Variants in RBM20 observed in about 807,000 individuals in gnomAD.
RBM20 encodes the protein RNA-binding protein 20.
In RBM20, 51 loss-of-function variants were observed where a neutral mutation model predicts 110.1. The ratio of observed to expected loss-of-function variants is 0.46; its 90% CI spans 0.37 to 0.59. RBM20 has a LOEUF of 0.59. RBM20 is among the 20% of genes least tolerant of loss of function. The pLI is 0.00. For synonymous variants in RBM20, 589 were observed against 618.2 expected (o/e 0.95, Z 0.70); for missense variants, 1,512 against 1,574.9 (o/e 0.96, Z 0.68).
intron 1 of RBM20, among the ~76,000 whole-genome samples, chr10:110,714,749 G>T (rs937944167): frequency 6.6e-6 from 1 of 152,124 alleles, no homozygotes; most frequent in South Asian, 2.1e-4. Context: ...GTTGAGAAGG[G>T]GCAACATGGT....
upstream of RBM20, among the ~76,000 whole-genome samples, chr10:110,643,799 T>G (rs1367192658): frequency 6.6e-6 from 1 of 152,180 alleles, no homozygotes; most frequent in Non-Finnish European, 1.5e-5. Context: ...AGTCCAGGCT[T>G]TCTTCCCCTC....
rs545323379 is a variant in RBM20, at chr10:110,679,303, G to A, written c.191+34658G>A. Among the ~76,000 whole-genome samples, 62 of 151,998 alleles carry A rather than the reference G, an allele frequency of 4.1e-4. 2 individuals carry two copies. The South Asian group carries it at 9.4e-3, about 23-fold the overall frequency. ...CAGTGGTGTGATCATAGCTCACTGC[G>A]GCCTTGAACGCCTCGGCTCAAGTGA... On this transcript the variant is annotated intron_variant, in intron 1 of 13. Coordinates refer to ENST00000369519, the MANE Select transcript of RBM20 (RefSeq NM_001134363.3).
intron 5 of RBM20, among the ~76,000 whole-genome samples, chr10:110,789,542 C>G (rs140578050): frequency 6.6e-6 from 1 of 151,966 alleles, no homozygotes; most frequent in African/African-American, 2.4e-5. Flanking sequence ...ACTGTAATCT[C>G]CACCTCCTGG....
chr10:110,713,290 A>G (rs1246603129), intron 1 of RBM20, among the ~76,000 whole-genome samples: 2 of 152,226 alleles, frequency 1.3e-5, no homozygotes, highest in African/African-American at 4.8e-5. Context: ...AGTCTGCTAC[A>G]CAGAGTAACG....
intron 1 of RBM20, among the ~76,000 whole-genome samples, chr10:110,768,871 T>C (rs7069694): frequency 0.41 from 63,109 of 152,100 alleles, 13,240 homozygotes; most frequent in South Asian, 0.47. Flanking sequence ...AAGGTGCCAA[T>C]AGAGCTAAGA....
intron 7 of RBM20, among the ~76,000 whole-genome samples, chr10:110,808,546 T>C (rs1211394232): frequency 1.3e-5 from 2 of 152,184 alleles, no homozygotes; most frequent in South Asian, 2.1e-4. Context: ...TTTTCTTGAA[T>C]GGGGGATTGG....
chr10:110,822,297 C>G, intron 11 of RBM20: 1 of 422,644 alleles, frequency 2.4e-6, no homozygotes, highest in South Asian at 2.0e-5. Context: ...CAGAGGGCCA[C>G]CCAGGCTGTT....
At chr10:110,750,343 G>A (rs768621901) in intron 1 of RBM20, among the ~76,000 whole-genome samples, 12 of 152,260 alleles carry the variant, frequency 7.9e-5, no homozygotes, top group East Asian at 1.9e-4. Flanking sequence ...AGCAAGCTGC[G>A]TCCATGGGTG....
chr10:110,768,132 A>ACTC (rs2035901388), intron 1 of RBM20, among the ~76,000 whole-genome samples: 3 of 152,226 alleles, frequency 2.0e-5, no homozygotes, highest in Non-Finnish European at 4.4e-5. Flanking sequence ...CGGCAGGCTG[A>ACTC]GGCAGGAGAA....
chr10:110,707,439 G>GT (rs1414814854), intron 1 of RBM20, among the ~76,000 whole-genome samples: 15 of 152,158 alleles, frequency 9.9e-5, no homozygotes, highest in African/African-American at 3.6e-4. Context: ...TTAAAAAAAT[G>GT]TTTTTTCTGG....
chr10:110,697,826 C>T (rs11195267), intron 1 of RBM20, among the ~76,000 whole-genome samples: 1 of 151,974 alleles, frequency 6.6e-6, no homozygotes, highest in South Asian at 2.1e-4. Context: ...ATTTTATCAG[C>T]GTATTCCCCA....
chr10:110,678,594 T>C (rs889960618), intron 1 of RBM20, among the ~76,000 whole-genome samples: 1 of 152,224 alleles, frequency 6.6e-6, no homozygotes, highest in African/African-American at 2.4e-5. Context: ...GTCTGGGGTC[T>C]ACTCTTCATC....
intron 5 of RBM20, among the ~76,000 whole-genome samples, chr10:110,787,844 T>C (rs1379575334): frequency 2.6e-5 from 4 of 151,154 alleles, no homozygotes; most frequent in Non-Finnish European, 5.9e-5. Flanking sequence ...AGCTAACATT[T>C]TGGGAGCTAG....
intron 1 of RBM20, among the ~76,000 whole-genome samples, chr10:110,758,730 T>C (rs1218974740): frequency 6.6e-6 from 1 of 152,190 alleles, no homozygotes; most frequent in Non-Finnish European, 1.5e-5. Context: ...ACTGAGGAGC[T>C]GTGTTTTAAA....
At chr10:110,659,991 A>G (rs1178325304) in intron 1 of RBM20, among the ~76,000 whole-genome samples, 1 of 149,882 alleles carries the variant, frequency 6.7e-6, no homozygotes, top group African/African-American at 2.5e-5. Flanking sequence ...TTTTTTTTGT[A>G]TTTTTTTGTA....
intron 7 of RBM20, among the ~76,000 whole-genome samples, chr10:110,805,500 C>G (rs1844682703): frequency 1.3e-5 from 2 of 152,204 alleles, no homozygotes; most frequent in Admixed American, 6.5e-5. Flanking sequence ...ATGAAACTTT[C>G]CAGCAGCTCC....
chr10:110,755,325 A>T lies in RBM20; in HGVS notation c.192-25476A>T, dbSNP rs574921975. Among the ~76,000 whole-genome samples the T allele has an allele frequency of 3.9e-5, 6 of 152,308 alleles. No individual in the cohort carries two copies. In the South Asian group the frequency reaches 1.2e-3, roughly 32 times the overall value. ...CCTTTGATGTCTGCAAGGCAAAAGCAGCTTTGGCACTCAAATCATCCTCGA... is the reference window on the plus strand; with the variant it reads ...CCTTTGATGTCTGCAAGGCAAAAGCTGCTTTGGCACTCAAATCATCCTCGA... On this transcript the variant is annotated intron_variant, in intron 1 of 13. Coordinates refer to ENST00000369519, the MANE Select transcript of RBM20 (RefSeq NM_001134363.3).
intron 9 of RBM20, among the ~76,000 whole-genome samples, chr10:110,816,036 G>GATAACTC (rs1275970080): frequency 6.6e-6 from 1 of 152,166 alleles, no homozygotes; most frequent in Non-Finnish European, 1.5e-5. Context: ...GCTGCCCCTG[G>GATAACTC]AGTCAGATAA....
chr10:110,680,330 T>G (rs1361881609), intron 1 of RBM20, among the ~76,000 whole-genome samples: 1 of 152,190 alleles, frequency 6.6e-6, no homozygotes, highest in Non-Finnish European at 1.5e-5. Context: ...CCCACAGGGC[T>G]GTTTTCCCTG....
Sources: gnomAD v4.1 joint callset for allele counts (sites outside exome capture counted in the v4.1 genomes callset) on GRCh38, gnomAD v4.1.1 for gene constraint, MANE v1.5 for transcripts, NCBI Gene and HGNC (gene_info 2026-07-23, HGNC 2026-07-21) for gene names.